The following SCUBE1 variants were observed in gnomAD, a reference collection of about 807,000 sequenced individuals.
SCUBE1 encodes the protein signal peptide, CUB and EGF-like domain-containing protein 1.
A neutral mutation model predicts 124.4 loss-of-function variants in SCUBE1; 59 were observed. The observed-to-expected ratio is 0.47, with a 90% CI of 0.38 to 0.59. The LOEUF (loss-of-function observed/expected upper bound fraction) is 0.59, where lower values mean the gene tolerates loss of function less well. SCUBE1 is among the 20% of genes least tolerant of loss of function. The probability of loss-of-function intolerance (pLI) is 0.00; values close to 1 mark genes in which losing one functional copy is unlikely to be tolerated. For missense variants in SCUBE1, 1,150 were observed against 1,371.2 expected (o/e 0.84, Z 2.55); for synonymous variants, 545 against 550.9 (o/e 0.99, Z 0.15).
At position 43,262,965 on chromosome 22, in the gene SCUBE1, T is replaced by C. The variant is rs914058992; in HGVS notation, c.485-120A>G. ...CAATCAAATGGGCTGTCATTGCATGTATCATGCACACACACGCACTTGCGC... is the reference window on the plus strand; with the variant it reads ...CAATCAAATGGGCTGTCATTGCATGCATCATGCACACACACGCACTTGCGC... On this transcript the variant is annotated intron_variant, in intron 4 of 21. Coordinates refer to ENST00000360835, the MANE Select transcript of SCUBE1 (RefSeq NM_173050.5). 1.7e-5 allele frequency: 18 copies of C among 1,044,634 alleles called. No homozygotes were observed. The African/African-American group carries it at 2.8e-4, about 17-fold the overall frequency. The allele number at this position is 1,044,634 out of a possible 1,614,324, so 64.7% of individuals were successfully genotyped here.
chr22:43,214,942 C>T (rs746442655), intron 15 of SCUBE1, among the ~76,000 whole-genome samples: 9 of 152,246 alleles, frequency 5.9e-5, no homozygotes, highest in South Asian at 2.1e-4. Context: ...AGGTGTGGAA[C>T]GGGAGGCACT....
At chr22:43,236,383 C>G (rs985569900) in intron 7 of SCUBE1, among the ~76,000 whole-genome samples, 1 of 152,246 alleles carries the variant, frequency 6.6e-6, no homozygotes, top group East Asian at 1.9e-4. Context: ...TCTGCCTTCT[C>G]TATGTCTGCT....
chr22:43,336,767 G>A (rs902674927), intron 2 of SCUBE1, among the ~76,000 whole-genome samples: 3 of 152,192 alleles, frequency 2.0e-5, no homozygotes, highest in Non-Finnish European at 4.4e-5. Context: ...ACGTGTAAGT[G>A]TGTGTATATA....
rs1236154082 is a variant in SCUBE1, at chr22:43,197,297, TTTA to T, written c.*6697_*6699del. 6.6e-6 allele frequency: 1 copy of T among 152,242 alleles called. No individual in the cohort carries two copies. Among genetic ancestry groups the T allele is most frequent in the African/African-American group, 2.4e-5 (1 of 41,456 alleles). The allele number at this position is 152,242 out of a possible 1,614,324, so 9.4% of individuals were successfully genotyped here. On this transcript the variant is annotated 3_prime_UTR_variant, in exon 22 of 22. Coordinates refer to ENST00000360835, the MANE Select transcript of SCUBE1 (RefSeq NM_173050.5). ...GAGCAATATTTAGGTTCATTTCCTG[TTTA>T]TTATTAAAGTGATTTTCACAAATGT...
chr22:43,339,942 T>C (rs950695684), intron 1 of SCUBE1, among the ~76,000 whole-genome samples: 8 of 6,612 alleles, frequency 1.2e-3, no homozygotes, highest in Admixed American at 2.6e-3. Context: ...GCTCCAACCC[T>C]CCCCCCACTC....
intron 6 of SCUBE1, among the ~76,000 whole-genome samples, chr22:43,248,296 C>A (rs546760414): frequency 3.3e-5 from 5 of 152,280 alleles, no homozygotes; most frequent in Admixed American, 6.5e-5. Flanking sequence ...AGTGCCAGGC[C>A]CAACGCACAA....
chr22:43,213,212 A>G (rs915267679), intron 16 of SCUBE1: 3 of 152,834 alleles, frequency 2.0e-5, no homozygotes, highest in African/African-American at 4.8e-5. Flanking sequence ...GCACCCTCTC[A>G]GCCCAGACCC....
chr22:43,229,864 C>A (rs1464194908), intron 8 of SCUBE1, among the ~76,000 whole-genome samples: 2 of 152,060 alleles, frequency 1.3e-5, no homozygotes, highest in Non-Finnish European at 2.9e-5. Context: ...TCTGTCCTGG[C>A]CATAAATTCT....
At position 43,339,628 on chromosome 22, in the gene SCUBE1, T is replaced by C. The variant is rs770181657; in HGVS notation, c.89-393A>G. ...TCCTCACTCTATCCCCTACTCTCCT[T>C]ACTCTATCCCCCCACAAGCATCACT... On this transcript the variant is annotated intron_variant, in intron 1 of 21. Coordinates refer to ENST00000360835, the MANE Select transcript of SCUBE1 (RefSeq NM_173050.5). 9.9e-4 allele frequency among the ~76,000 whole-genome samples: 98 copies of C among 99,432 alleles called. 1 individual carries two copies. The highest frequency in any genetic ancestry group is 2.7e-3 in the African/African-American group (56 of 20,924). The allele number at this position is 99,432 out of a possible 152,430, so 65.2% of individuals were successfully genotyped here.
chr22:43,261,510 G>C (rs746543204), intron 5 of SCUBE1, among the ~76,000 whole-genome samples: 3 of 152,314 alleles, frequency 2.0e-5, no homozygotes, highest in Admixed American at 6.5e-5. Context: ...CATGAGTTGG[G>C]AAAGGTATGG....
chr22:43,248,841 C>G (rs774949447), intron 6 of SCUBE1, among the ~76,000 whole-genome samples: 1 of 152,166 alleles, frequency 6.6e-6, no homozygotes, highest in Non-Finnish European at 1.5e-5. Context: ...GAGCTGGATA[C>G]CTGCCTGCCT....
chr22:43,227,332 C>T, intron 10 of SCUBE1, 42 bp downstream of exon 10: 7 of 1,587,294 alleles, frequency 4.4e-6, no homozygotes, highest in Non-Finnish European at 6.0e-6. Flanking sequence ...CATCCAAGCC[C>T]AGGTGCAGGG....
Position 43,212,593 on chromosome 22 carries a change from C to G in SCUBE1, c.2054-1G>C. On this transcript the variant is annotated splice_acceptor_variant, in intron 16 of 21. Transcript: ENST00000360835. LOFTEE classifies it high-confidence loss of function. ...GAGAAGAAGCCTGGAGAACACTGGC[C>G]TGAAAGTCAGAGGTCATGGCTCAGG... The G allele has an allele frequency of 6.4e-7, 1 of 1,562,956 alleles. No homozygotes were observed. Among genetic ancestry groups the G allele is most frequent in the South Asian group, 1.2e-5 (1 of 84,686 alleles).
chr22:43,302,938 G>A (rs905309238), intron 3 of SCUBE1, among the ~76,000 whole-genome samples: 2 of 152,200 alleles, frequency 1.3e-5, no homozygotes, highest in Non-Finnish European at 2.9e-5. Context: ...TGGATGGGGC[G>A]GCAGGGCAAG....
chr22:43,321,389 G>C (rs1926549400), intron 2 of SCUBE1, among the ~76,000 whole-genome samples: 1 of 152,192 alleles, frequency 6.6e-6, no homozygotes, highest in South Asian at 2.1e-4. Context: ...GGAAGCCATG[G>C]GGCCAATGAA....
Position 43,220,967 on chromosome 22 carries a change from C to T in SCUBE1, c.1549+206G>A, listed in dbSNP as rs139084077. 2.9e-3 allele frequency among the ~76,000 whole-genome samples: 438 copies of T among 152,306 alleles called. 1 individual carries two copies. The highest frequency in any genetic ancestry group is 9.0e-3 in the African/African-American group (375 of 41,560). On this transcript the variant is annotated intron_variant, in intron 13 of 21. Coordinates refer to ENST00000360835, the MANE Select transcript of SCUBE1 (RefSeq NM_173050.5). Reference sequence around the variant, plus strand: ...CGGGGACAGAGCTGGTGCCTTCCTCCGGGGCCCCTCGTACCAAGCTTGCCC... The same window carrying T: ...CGGGGACAGAGCTGGTGCCTTCCTCTGGGGCCCCTCGTACCAAGCTTGCCC...
rs927888536 is a variant in SCUBE1 at position 43,204,262 on chromosome 22, C to T, written c.2815-113G>A. 8 of 828,476 alleles carry T rather than the reference C, an allele frequency of 9.7e-6. No individual in the cohort carries two copies. In the African/African-American group the frequency reaches 1.0e-4, roughly 11 times the overall value. 51.3% of individuals were successfully genotyped at this position (828,476 alleles called of 1,614,324 possible). A position where few individuals can be genotyped will look rare whatever the true frequency, so the allele number is the denominator to read the frequency against. On this transcript the variant is annotated intron_variant, in intron 21 of 21. Coordinates refer to ENST00000360835, the MANE Select transcript of SCUBE1 (RefSeq NM_173050.5). Reference sequence around the variant, plus strand: ...TGCGCTGGCTGGTGGGTTTCAGGACCCCACAGACCTTCTTTTGGTTTTAAT... The same window carrying T: ...TGCGCTGGCTGGTGGGTTTCAGGACTCCACAGACCTTCTTTTGGTTTTAAT...
intron 3 of SCUBE1, among the ~76,000 whole-genome samples, chr22:43,312,445 G>C (rs551246652): frequency 2.0e-5 from 3 of 152,168 alleles, no homozygotes; most frequent in Non-Finnish European, 2.9e-5. Context: ...TACAGGGAAG[G>C]CTGGCCCAGT....
chr22:43,333,590 A>ACAATC (rs1409612455), intron 2 of SCUBE1, among the ~76,000 whole-genome samples: 1 of 152,184 alleles, frequency 6.6e-6, no homozygotes, highest in Non-Finnish European at 1.5e-5. Context: ...CGGGCTTCCC[A>ACAATC]CAATCCAGGC....
Sources: gnomAD v4.1 joint callset for allele counts (sites outside exome capture counted in the v4.1 genomes callset) on GRCh38, gnomAD v4.1.1 for gene constraint, MANE v1.5 for transcripts, NCBI Gene and HGNC (gene_info 2026-07-23, HGNC 2026-07-21) for gene names.